The following ANKRD6 variants were observed in gnomAD, a reference collection of about 807,000 sequenced individuals.
ANKRD6 encodes ankyrin repeat domain-containing protein 6.
ANKRD6 carries 56 observed loss-of-function variants against 82.3 expected under a neutral mutation model. The ratio of observed to expected loss-of-function variants is 0.68; its 90% CI spans 0.55 to 0.85. The LOEUF is 0.85. ANKRD6 is among the 40% of genes least tolerant of loss of function. ANKRD6 has a pLI of 0.00. For missense variants in ANKRD6, 852 were observed against 907.6 expected, an observed-to-expected ratio of 0.94 and a Z score of 0.79; for synonymous variants, 347 against 352.1, an observed-to-expected ratio of 0.99 and a Z score of 0.16.
chr6:89,539,585 G>A (rs1021795398), intron 1 of ANKRD6, among the ~76,000 whole-genome samples: 9 of 152,040 alleles, frequency 5.9e-5, no homozygotes, highest in African/African-American at 1.9e-4. Flanking sequence ...TACATGAGAT[G>A]TTTTGATATA....
chr6:89,463,502 T>C (rs940709679), intron 1 of ANKRD6, among the ~76,000 whole-genome samples: 2 of 152,184 alleles, frequency 1.3e-5, no homozygotes, highest in African/African-American at 4.8e-5. Flanking sequence ...CATACAATAC[T>C]TTTCAAATAA....
chr6:89,506,745 C>T (rs1256881528), intron 1 of ANKRD6, among the ~76,000 whole-genome samples: 3 of 152,244 alleles, frequency 2.0e-5, no homozygotes, highest in East Asian at 3.8e-4. Context: ...TGCTTCACTT[C>T]CTCCCTAATT....
At chr6:89,481,885 A>G (rs1776859924) in intron 1 of ANKRD6, among the ~76,000 whole-genome samples, 1 of 152,226 alleles carries the variant, frequency 6.6e-6, no homozygotes, top group South Asian at 2.1e-4. Context: ...ATGAAGCTTA[A>G]CAAAGTCACA....
At chr6:89,450,022 T>A (rs1169863252) in intron 1 of ANKRD6, among the ~76,000 whole-genome samples, 1 of 152,130 alleles carries the variant, frequency 6.6e-6, no homozygotes, top group African/African-American at 2.4e-5. Flanking sequence ...AGCTGTTACA[T>A]GCGACAGAGA....
At chr6:89,436,275 T>C (rs375092277) in intron 1 of ANKRD6, among the ~76,000 whole-genome samples, 2 of 152,366 alleles carry the variant, frequency 1.3e-5, no homozygotes, top group South Asian at 4.1e-4. Flanking sequence ...CTGTTTCACA[T>C]TAATATTTCC....
intron 3 of ANKRD6, chr6:89,598,326 C>T: frequency 1.0e-6 from 1 of 985,204 alleles, no homozygotes; most frequent in Non-Finnish European, 1.2e-6. Context: ...CAGAAATAGT[C>T]CAGGATGCTG....
chr6:89,529,890 A>AC (rs1782929659), intron 1 of ANKRD6, among the ~76,000 whole-genome samples: 2 of 152,270 alleles, frequency 1.3e-5, no homozygotes, highest in African/African-American at 4.8e-5. Flanking sequence ...GGTTCAGGGT[A>AC]CCCCAAAACA....
At chr6:89,622,048 G>A (rs759115959) in intron 10 of ANKRD6, 22 bp downstream of exon 10, 28 of 1,601,142 alleles carry the variant, frequency 1.7e-5, no homozygotes, top group East Asian at 4.5e-5. Flanking sequence ...TCCTCCCGCC[G>A]TCCCCACATC....
chr6:89,614,209 A>G (rs1800925545), intron 7 of ANKRD6, among the ~76,000 whole-genome samples: 1 of 152,212 alleles, frequency 6.6e-6, no homozygotes, highest in Admixed American at 6.5e-5. Flanking sequence ...GAAGAATGTG[A>G]TTTAGTAAAG....
intron 1 of ANKRD6, among the ~76,000 whole-genome samples, chr6:89,557,965 T>A (rs1167398975): frequency 2.0e-5 from 3 of 152,018 alleles, no homozygotes; most frequent in Non-Finnish European, 4.4e-5. Flanking sequence ...AATTCTACAT[T>A]ATGGTGAGTT....
Position 89,606,056 on chromosome 6 carries a change from C to G in ANKRD6, c.368C>G (p.Ser123Ter). Residue 123 changes from serine to a stop codon, truncating the protein, a stop_gained, in exon 5 of 16, where the codon TCA becomes TGA. Transcript: ENST00000339746. LOFTEE classifies it high-confidence loss of function. ...HEASWHGFSQSAKLLIKAGAN... is the reference protein window; with the variant it reads ...HEASWHGFSQ ...GCATCCTGGCATGGTTTCAGCCAGT[C>G]AGCCAAGCTGCTCATTAAAGCAGGA... 1 of 1,595,520 alleles carries G rather than the reference C, an allele frequency of 6.3e-7. No homozygotes were observed. The highest frequency in any genetic ancestry group is 1.1e-5 in the South Asian group (1 of 87,076).
chr6:89,436,206 G>A (rs1293494656), intron 1 of ANKRD6, among the ~76,000 whole-genome samples: 1 of 152,220 alleles, frequency 6.6e-6, no homozygotes, highest in African/African-American at 2.4e-5. Context: ...AACCGTATGT[G>A]TGTGCCTATA....
chr6:89,443,386 C>T (rs1267091220), intron 1 of ANKRD6, among the ~76,000 whole-genome samples: 1 of 152,128 alleles, frequency 6.6e-6, no homozygotes, highest in African/African-American at 2.4e-5. Context: ...CAGCCTTACT[C>T]CATAGATTCT....
At chr6:89,610,685 A>T (rs886347508) in intron 5 of ANKRD6, among the ~76,000 whole-genome samples, 2 of 152,092 alleles carry the variant, frequency 1.3e-5, no homozygotes, top group African/African-American at 4.8e-5. Context: ...TAGTGTTTTT[A>T]AAACCTGGGC....
intron 1 of ANKRD6, among the ~76,000 whole-genome samples, chr6:89,518,270 C>T (rs1475421283): frequency 4.6e-5 from 7 of 152,058 alleles, no homozygotes; most frequent in African/African-American, 1.7e-4. Flanking sequence ...GGCGTGGTGG[C>T]GCATGCCTGT....
intron 1 of ANKRD6, among the ~76,000 whole-genome samples, chr6:89,443,585 C>T (rs1020921802): frequency 6.6e-6 from 1 of 152,214 alleles, no homozygotes; most frequent in South Asian, 2.1e-4. Flanking sequence ...CCACTTCAGC[C>T]TCCCATCTCA....
chr6:89,603,071 A>G lies in ANKRD6; in HGVS notation c.262A>G (p.Thr88Ala). 6.2e-7 allele frequency: 1 copy of G among 1,609,506 alleles called. No homozygotes were observed. Among genetic ancestry groups the G allele is most frequent in the Non-Finnish European group, 8.5e-7 (1 of 1,178,292 alleles). The change falls in exon 4 of 16, where the codon ACG becomes GCG. Residue 88 changes from threonine (T) to alanine (A), a missense_variant. By Grantham distance (58) the Thr-to-Ala change is moderately conservative. Transcript: ENST00000339746. ...GCACCGGGCCACAGTGGTGGGGAAC[A>G]CGGAGATCATCGCGGCGCTCATCCA... ...ALHRATVVGN[T>A]EIIAALIHEG...
chr6:89,552,190 T>G (rs1785946530), intron 1 of ANKRD6, among the ~76,000 whole-genome samples: 1 of 152,254 alleles, frequency 6.6e-6, no homozygotes, highest in African/African-American at 2.4e-5. Context: ...TGACTGAAGA[T>G]AAGCTGACTT....
intron 2 of ANKRD6, among the ~76,000 whole-genome samples, chr6:89,572,631 T>A (rs922043499): frequency 6.6e-6 from 1 of 152,240 alleles, no homozygotes; most frequent in Non-Finnish European, 1.5e-5. Context: ...TTTCCCCTTG[T>A]AGAAGCTTTA....
Sources: gnomAD v4.1 joint callset for allele counts (sites outside exome capture counted in the v4.1 genomes callset) on GRCh38, gnomAD v4.1.1 for gene constraint, MANE v1.5 for transcripts, NCBI Gene and HGNC (gene_info 2026-07-23, HGNC 2026-07-21) for gene names.